GPR155: variants seen among roughly 807,000 people sequenced by gnomAD.
GPR155 encodes G protein-coupled receptor 155, also known as lysosomal cholesterol signaling protein.
A neutral mutation model predicts 93.1 loss-of-function variants in GPR155; 65 were observed. The ratio of observed to expected loss-of-function variants is 0.70; its 90% confidence interval spans 0.57 to 0.86. The LOEUF is 0.86. Ranked by LOEUF, GPR155 falls within the 40% of genes least tolerant of loss-of-function variation. The pLI is 0.00. For missense variants in GPR155, 838 were observed against 1,034.8 expected (o/e 0.81, Z 2.61); for synonymous variants, 319 against 360.1 (o/e 0.89, Z 1.29).
intron 10 of GPR155, among the ~76,000 whole-genome samples, chr2:174,456,140 C>T (rs1687510551): frequency 6.6e-6 from 1 of 152,000 alleles, no homozygotes; most frequent in South Asian, 2.1e-4. Flanking sequence ...CCACGCCTGG[C>T]TGAGATATAA....
chr2:174,454,717 G>GGGAGA, intron 10 of GPR155, among the ~76,000 whole-genome samples: 1 of 140,682 alleles, frequency 7.1e-6, no homozygotes, highest in African/African-American at 2.8e-5. Flanking sequence ...AGGAAAGGAA[G>GGGAGA]GGAAGAAAGG....
chr2:174,471,934 T>G (rs755430596), intron 3 of GPR155, among the ~76,000 whole-genome samples: 1 of 152,206 alleles, frequency 6.6e-6, no homozygotes, highest in Non-Finnish European at 1.5e-5. Context: ...TTTATTATTA[T>G]GAAAACAGTA....
intron 8 of GPR155, 32 bp downstream of exon 8, chr2:174,461,556 A>G (rs781671820): frequency 1.9e-6 from 3 of 1,554,812 alleles, no homozygotes; most frequent in Admixed American, 1.7e-5. Context: ...CTATATGGAA[A>G]GGTGTAAGCA....
In GPR155 at chr2:174,482,013, G is replaced by A. The variant is rs1688340391; in HGVS notation, c.-31-26C>T. The A allele has an allele frequency of 4.3e-6, 5 of 1,176,102 alleles. No homozygotes were observed. In the South Asian group the frequency reaches 5.6e-5, roughly 13 times the overall value. 72.9% of individuals were successfully genotyped at this position (1,176,102 alleles called of 1,614,324 possible). The stretch of plus-strand genomic sequence containing the variant: ...CTGGAAAGAAAGGAAGAAAGATTCA[G>A]TATGGCCATCAACAAGAATTCTAGT... On this transcript the variant is annotated intron_variant, in intron 1 of 15. Transcript: ENST00000392552.
intron 3 of GPR155, among the ~76,000 whole-genome samples, chr2:174,471,166 T>A (rs1329758334): frequency 2.6e-5 from 4 of 151,936 alleles, no homozygotes; most frequent in African/African-American, 9.7e-5. Context: ...GGCAGGCGGA[T>A]CACGAGTTCA....
At position 174,467,715 on chromosome 2, in the gene GPR155, C is replaced by T. The variant is rs1228872962; in HGVS notation, c.1183-1088G>A. 3.3e-5 allele frequency among the ~76,000 whole-genome samples: 5 copies of T among 152,282 alleles called. No homozygotes were observed. In the East Asian group the frequency reaches 7.7e-4, roughly 23 times the overall value. On this transcript the variant is annotated intron_variant, in intron 5 of 15. Coordinates refer to ENST00000392552, the MANE Select transcript of GPR155 (RefSeq NM_152529.7). ...TACTTCAAACAACACATACCACACA[C>T]CTTTAAGATTAATCATCTTACATTC...
At chr2:174,448,033 C>T (rs766762859) in intron 11 of GPR155, among the ~76,000 whole-genome samples, 1 of 152,098 alleles carries the variant, frequency 6.6e-6, no homozygotes, top group South Asian at 2.1e-4. Context: ...GCCTTAACCC[C>T]TGCCTTTCAC....
intron 10 of GPR155, among the ~76,000 whole-genome samples, chr2:174,455,626 G>T (rs1196597767): frequency 6.6e-6 from 1 of 152,210 alleles, no homozygotes; most frequent in African/African-American, 2.4e-5. Flanking sequence ...CGGGAGATGG[G>T]AGGTCAGGGG....
At chr2:174,437,039 C>G (rs181341349) in intron 15 of GPR155, among the ~76,000 whole-genome samples, 7 of 152,146 alleles carry the variant, frequency 4.6e-5, no homozygotes, top group Admixed American at 3.3e-4. Flanking sequence ...TGCTACAAAT[C>G]TAAGATTTTT....
intron 3 of GPR155, among the ~76,000 whole-genome samples, chr2:174,471,269 G>A (rs1179899427): frequency 6.6e-6 from 1 of 151,846 alleles, no homozygotes; most frequent in African/African-American, 2.4e-5. Context: ...GCACATGCCT[G>A]TAATCCCAGC....
intron 14 of GPR155, 31 bp from the exon 15 acceptor site, chr2:174,440,066 G>A: frequency 6.3e-7 from 1 of 1,594,114 alleles, no homozygotes; most frequent in Non-Finnish European, 8.6e-7. Flanking sequence ...CATTTTTAAG[G>A]ACAGAAAAGC....
At chr2:174,442,076 C>T in intron 14 of GPR155, 43 bp downstream of exon 14, 1 of 979,382 alleles carries the variant, frequency 1.0e-6, no homozygotes, top group South Asian at 1.3e-5. Context: ...ATGGCTTTGT[C>T]ATCACATTTA....
At position 174,434,201 on chromosome 2, in the gene GPR155, G is replaced by A. The variant is rs1686710750; in HGVS notation, c.*1915C>T. On this transcript the variant is annotated 3_prime_UTR_variant, in exon 16 of 16. Transcript: ENST00000392552. ...GGCCAGGCTGGTCTCGAACTCCTGG[G>A]CTGAAGCAATTCACCTGCCTCGGCC... The A allele has an allele frequency of 6.6e-6, 1 of 150,446 alleles. No homozygotes were observed. Among genetic ancestry groups the A allele is most frequent in the African/African-American group, 2.4e-5 (1 of 40,830 alleles). 9.3% of individuals were successfully genotyped at this position (150,446 alleles called of 1,614,324 possible).
chr2:174,481,696 G>C lies in GPR155; in HGVS notation c.261C>G (p.Phe87Leu). ...AAAAATTAAGTACAACCATGTTTTT[G>C]AATAATAAAGCTGGAAGTGCAAATC... is the stretch of plus-strand genomic sequence containing the variant. Reference protein sequence around the residue: ...VSRFALPALLFKNMVVLNFSN... With the variant: ...VSRFALPALLLKNMVVLNFSN... Residue 87 changes from phenylalanine (F) to leucine (L), a missense_variant, in exon 2 of 16, where the codon TTC becomes TTG. By Grantham distance (22) the Phe-to-Leu change is conservative (BLOSUM62 0). This residue lies in a region of GPR155 where 663 missense variants were observed against 790.1 expected (regional missense o/e 0.84). Coordinates refer to ENST00000392552, the MANE Select transcript of GPR155 (RefSeq NM_152529.7). 6.2e-7 allele frequency: 1 copy of C among 1,614,094 alleles called. No homozygotes were observed. The highest frequency in any genetic ancestry group is 1.1e-5 in the South Asian group (1 of 91,074).
At chr2:174,482,055 C>T (rs1688341542) in intron 1 of GPR155, 68 bp from the exon 2 acceptor site, 1 of 774,390 alleles carries the variant, frequency 1.3e-6, no homozygotes, top group Admixed American at 2.5e-5. Context: ...AATACACTGG[C>T]AAACCTAGAT....
chr2:174,480,913 C>A (rs908327595), intron 2 of GPR155, among the ~76,000 whole-genome samples: 1 of 152,002 alleles, frequency 6.6e-6, no homozygotes, highest in African/African-American at 2.4e-5. Flanking sequence ...GGGACTACAG[C>A]CTTGTGCCAC....
chr2:174,437,577 CTTTTTT>C (rs397871619), intron 15 of GPR155, among the ~76,000 whole-genome samples: 7 of 107,956 alleles, frequency 6.5e-5, no homozygotes, highest in South Asian at 3.2e-4. Flanking sequence ...GGCCTAACAC[CTTTTTT>C]TTTTTTTTTT....
intron 7 of GPR155, among the ~76,000 whole-genome samples, chr2:174,463,375 A>T (rs1409645368): frequency 6.6e-6 from 1 of 151,896 alleles, no homozygotes; most frequent in African/African-American, 2.4e-5. Flanking sequence ...TAATTTTCAA[A>T]TTTTTTATAG....
rs376359778 is a variant in GPR155 at position 174,439,869 on chromosome 2, T to C, written c.2312+29A>G. The C allele has an allele frequency of 1.8e-5, 29 of 1,590,400 alleles. No individual in the cohort carries two copies. The African/African-American group carries it at 2.0e-4, about 11-fold the overall frequency. On this transcript the variant is annotated intron_variant, in intron 15 of 15. Transcript: ENST00000392552. ...CAATTAATCATTTAAAATATAATTGTCTAGAACCTGTACTGGCACTTTGCT... is the reference window on the plus strand; with the variant it reads ...CAATTAATCATTTAAAATATAATTGCCTAGAACCTGTACTGGCACTTTGCT...
Sources: gnomAD v4.1 joint callset for allele counts (sites outside exome capture counted in the v4.1 genomes callset) on GRCh38, gnomAD v4.1.1 for gene constraint, gnomAD v4.1.1 regional missense constraint, MANE v1.5 for transcripts, NCBI Gene and HGNC (gene_info 2026-07-23, HGNC 2026-07-21) for gene names.